ACOX1: variants seen among roughly 807,000 people sequenced by gnomAD.
ACOX1 encodes the protein peroxisomal acyl-coenzyme A oxidase 1.
A neutral mutation model predicts 75.5 loss-of-function variants in ACOX1; 41 were observed. The ratio of observed to expected loss-of-function variants is 0.54; its 90% CI spans 0.42 to 0.70. The LOEUF (loss-of-function observed/expected upper bound fraction) is 0.70, where lower values mean the gene tolerates loss of function less well. Ranked by LOEUF, ACOX1 falls within the 30% of genes least tolerant of loss-of-function variation. The probability of loss-of-function intolerance (pLI) is 0.00; values close to 1 mark genes in which losing one functional copy is unlikely to be tolerated. For synonymous variants in ACOX1, 303 were observed against 298.8 expected (o/e 1.01, Z -0.15); for missense variants, 630 against 837.5 (o/e 0.75, Z 3.06).
At chr17:75,963,313 C>A (rs754216434) in intron 2 of ACOX1, among the ~76,000 whole-genome samples, 1 of 151,928 alleles carries the variant, frequency 6.6e-6, no homozygotes, top group Non-Finnish European at 1.5e-5. Context: ...GCACTTGTAC[C>A]CCCTAAACCT....
rs779650119 is a variant in ACOX1 at position 75,950,906 on chromosome 17, A to G, written c.1166T>C (p.Ile389Thr). The change falls in exon 9 of 14, where the codon ATT becomes ACT. Residue 389 changes from isoleucine (I) to threonine (T), a missense_variant. Coordinates refer to ENST00000293217, the MANE Select transcript of ACOX1 (RefSeq NM_004035.7). This position sits in a 1 kb window ranked among gnomAD's most constrained non-coding sequence, Gnocchi z 4.3. ...AFTSWTANTG[I>T]EACRMACGGH... ...ACCACAAGCCATCCGACATGCTTCA[A>G]TGCCAGTGTTTGCAGTCCAGGAGGT... The G allele has an allele frequency of 3.7e-6, 6 of 1,614,206 alleles. No homozygotes were observed. Among genetic ancestry groups the G allele is most frequent in the South Asian group, 1.1e-5 (1 of 91,088 alleles).
At chr17:75,965,252 G>A (rs1006858065) in intron 2 of ACOX1, among the ~76,000 whole-genome samples, 1 of 151,034 alleles carries the variant, frequency 6.6e-6, no homozygotes, top group Admixed American at 6.6e-5. Flanking sequence ...GCAGGAGAAT[G>A]GCGTGAACCC....
At position 75,945,103 on chromosome 17, in the gene ACOX1, C is replaced by T. The variant is rs920753583; in HGVS notation, c.*1645G>A. On this transcript the variant is annotated 3_prime_UTR_variant, in exon 14 of 14. Coordinates refer to ENST00000293217, the MANE Select transcript of ACOX1 (RefSeq NM_004035.7). ...CTGGGTCAAAGGGGGCTCTGCAGGT[C>T]GATGATCTCCTCAAACCTGCAAAGA... is the stretch of plus-strand genomic sequence containing the variant. 2 of 152,062 alleles carry T rather than the reference C, an allele frequency of 1.3e-5. No individual in the cohort carries two copies. Among genetic ancestry groups the T allele is most frequent in the African/African-American group, 4.8e-5 (2 of 41,416 alleles). 9.4% of individuals were successfully genotyped at this position (152,062 alleles called of 1,614,324 possible).
rs1020320937 is a variant in ACOX1, at chr17:75,978,165, G to A, written c.269+369C>T. Among the ~76,000 whole-genome samples the A allele has an allele frequency of 8.5e-5, 13 of 152,072 alleles. No homozygotes were observed. The highest frequency in any genetic ancestry group is 2.9e-4 in the African/African-American group (12 of 41,404). On this transcript the variant is annotated intron_variant, in intron 2 of 13. Coordinates refer to ENST00000293217, the MANE Select transcript of ACOX1 (RefSeq NM_004035.7). This position sits in a 1 kb window ranked among gnomAD's most constrained non-coding sequence, Gnocchi z 4.2. ...GCTGGAGTGCAGTGGCGCGATCTCG[G>A]CTCACTGCAAGCTCCGCCTCCCTAG...
rs753739598 is a variant in ACOX1 at position 75,949,446 on chromosome 17, G to A, written c.1584+49C>T. The A allele has an allele frequency of 9.9e-6, 16 of 1,610,412 alleles. No individual in the cohort carries two copies. In the Admixed American group the frequency reaches 2.0e-4, roughly 20 times the overall value. ...GACTAGGGTTTCTGTACCAGAAAAT[G>A]CGGGATGCTGAGGGCAGGGAAGGGG... On this transcript the variant is annotated intron_variant, in intron 11 of 13. Coordinates refer to ENST00000293217, the MANE Select transcript of ACOX1 (RefSeq NM_004035.7).
chr17:75,953,312 A>C (rs1251340718), intron 7 of ACOX1, 139 bp downstream of exon 7: 1 of 900,010 alleles, frequency 1.1e-6, no homozygotes, highest in African/African-American at 1.6e-5. Flanking sequence ...CCTAGATATG[A>C]AATTACAGGC....
intron 3 of ACOX1, among the ~76,000 whole-genome samples, chr17:75,958,625 G>A (rs1354454122): frequency 1.1e-4 from 16 of 151,774 alleles, no homozygotes; most frequent in South Asian, 6.2e-4. Flanking sequence ...TGGTTAACAC[G>A]GCGAAACCCC....
In ACOX1 at chr17:75,955,921, C is replaced by G; in HGVS notation, c.565G>C (p.Val189Leu). 2 of 1,612,348 alleles carry G rather than the reference C, an allele frequency of 1.2e-6. No homozygotes were observed. The highest frequency in any genetic ancestry group is 8.5e-7 in the Non-Finnish European group (1 of 1,178,956). Residue 189 changes from valine (V) to leucine (L), a missense_variant, in exon 5 of 14, where the codon GTT becomes CTT. Around this residue, in one of 2 missense-constraint regions of ACOX1, gnomAD observed 390 missense variants for 574.9 expected, o/e 0.68. Coordinates refer to ENST00000293217, the MANE Select transcript of ACOX1 (RefSeq NM_004035.7). ...GLGKTSNHAI[V>L]LAQLITKGKC... ...CCCTTAGTGATGAGCTGGGCAAGAA[C>G]TATTGCATGATTTGAAGTCTTTCCA...
chr17:75,964,001 T>G (rs996603305), intron 2 of ACOX1, among the ~76,000 whole-genome samples: 1 of 151,226 alleles, frequency 6.6e-6, no homozygotes, highest in African/African-American at 2.4e-5. Context: ...CTGGGCAACA[T>G]GGTGAAACCC....
intron 3 of ACOX1, 23 bp from the exon 4 acceptor site, chr17:75,957,589 C>G (rs1402083468): frequency 6.3e-7 from 1 of 1,591,276 alleles, no homozygotes; most frequent in Non-Finnish European, 8.6e-7. Context: ...ATTACATTGA[C>G]TTCAGTTAAG....
At chr17:75,968,454 AAG>A (rs2065961174) in intron 2 of ACOX1, among the ~76,000 whole-genome samples, 2 of 140,132 alleles carry the variant, frequency 1.4e-5, no homozygotes, top group Admixed American at 7.1e-5. Flanking sequence ...AAAAAAAAAA[AAG>A]TTAGCCGGGC....
chr17:75,948,945 T>C (rs973325885), intron 12 of ACOX1, among the ~76,000 whole-genome samples: 1 of 151,672 alleles, frequency 6.6e-6, no homozygotes, highest in Non-Finnish European at 1.5e-5. Flanking sequence ...CTGCAACCTC[T>C]GCCTCCAGGG....
rs1336543690 is a variant in ACOX1, at chr17:75,962,809, G to C, written c.270-2434C>G. 2.6e-5 allele frequency among the ~76,000 whole-genome samples: 4 copies of C among 152,312 alleles called. No homozygotes were observed. In the East Asian group the frequency reaches 7.7e-4, roughly 29 times the overall value. ...CTCGTCACCATGGGAGCTGAGCAAG[G>C]GGTAAAACATGGACATGCAGAATGG... On this transcript the variant is annotated intron_variant, in intron 2 of 13. Coordinates refer to ENST00000293217, the MANE Select transcript of ACOX1 (RefSeq NM_004035.7).
At chr17:75,957,649 A>AAAC in intron 3 of ACOX1, 83 bp from the exon 4 acceptor site, 1 of 1,013,630 alleles carries the variant, frequency 9.9e-7, no homozygotes, top group South Asian at 1.3e-5. Context: ...ACAGTCCTTT[A>AAAC]AACTCTCATA....
rs548425368 is a variant in ACOX1 at position 75,947,739 on chromosome 17, T to TG, written c.1935+511dup. On this transcript the variant is annotated intron_variant, in intron 13 of 13. Transcript: ENST00000293217. ...TTTTTTTTTTTTTGAGACAGAGTTT[T>TG]GCTCTTGTCACCCAGGCTGGAGTGC... 4.1e-4 allele frequency among the ~76,000 whole-genome samples: 61 copies of TG among 148,656 alleles called. No homozygotes were observed. The East Asian group carries it at 8.1e-3, about 20-fold the overall frequency.
rs1466508337 is a variant in ACOX1, at chr17:75,943,141, G to C, written c.*3607C>G. The stretch of plus-strand genomic sequence containing the variant: ...CTCAGGAGGCTGAGGTGGGAGAATC[G>C]CTCGAACCCGGGAGGTGAAGATTGC... On this transcript the variant is annotated 3_prime_UTR_variant, in exon 14 of 14. Coordinates refer to ENST00000293217, the MANE Select transcript of ACOX1 (RefSeq NM_004035.7). 6.6e-6 allele frequency: 1 copy of C among 150,408 alleles called. No individual in the cohort carries two copies. The highest frequency in any genetic ancestry group is 1.5e-5 in the Non-Finnish European group (1 of 67,826). 9.3% of individuals were successfully genotyped at this position (150,408 alleles called of 1,614,324 possible). A position where few individuals can be genotyped will look rare whatever the true frequency, so the allele number is the denominator to read the frequency against.
intron 2 of ACOX1, among the ~76,000 whole-genome samples, chr17:75,968,435 CAAAAAAAAAA>C (rs55909021): frequency 4.8e-5 from 1 of 21,008 alleles, no homozygotes; most frequent in African/African-American, 3.8e-4. Flanking sequence ...GACTCCGTCT[CAAAAAAAAAA>C]AAAAAAAAAA....
At chr17:75,975,957 GAA>G (rs562191073) in intron 2 of ACOX1, among the ~76,000 whole-genome samples, 9 of 151,290 alleles carry the variant, frequency 5.9e-5, no homozygotes, top group Non-Finnish European at 1.3e-4. Context: ...AAGAAAGAAA[GAA>G]AGAAAAGAAA....
chr17:75,955,581 C>T lies in ACOX1; in HGVS notation c.759G>A (p.Leu253=). 6.2e-7 allele frequency: 1 copy of T among 1,613,918 alleles called. No homozygotes were observed. The highest frequency in any genetic ancestry group is 8.5e-7 in the Non-Finnish European group (1 of 1,179,792). Residue 253 remains leucine (L), a synonymous_variant, in exon 6 of 14, where the codon CTG becomes CTA. Transcript: ENST00000293217. ...DNHRIPRENM[L]MKYAQVKPDG... ...CAAAACATACCTGGGCATACTTCAT[C>T]AGCATGTTTTCTCTGGGAATACGAT...
Sources: allele counts gnomAD v4.1 joint callset (sites outside exome capture counted in the v4.1 genomes callset), GRCh38; gene constraint gnomAD v4.1.1; regional missense constraint gnomAD v4.1.1; non-coding constraint Gnocchi (gnomAD v3.1); transcripts MANE v1.5; gene names NCBI Gene and HGNC (gene_info 2026-07-23, HGNC 2026-07-21).